Variants in CWF19L1 observed in about 807,000 individuals in gnomAD.
The protein encoded by CWF19L1 is CWF19-like protein 1.
CWF19L1 carries 60 observed loss-of-function variants against 69.7 expected under a neutral mutation model. The observed-to-expected ratio is 0.86, with a 90% CI of 0.70 to 1.07. The LOEUF (loss-of-function observed/expected upper bound fraction) is 1.07. Among genes scored for constraint, CWF19L1 ranks in the 50% least tolerant of loss-of-function variants. The pLI, the probability that CWF19L1 is intolerant of heterozygous loss-of-function variation, is 0.00. For synonymous variants in CWF19L1, 209 were observed against 222.2 expected (o/e 0.94, Z 0.53); for missense variants, 591 against 638.9 (o/e 0.92, Z 0.81).
chr10:100,252,147 G>A (rs1847057306), intron 6 of CWF19L1, among the ~76,000 whole-genome samples: 1 of 152,178 alleles, frequency 6.6e-6, no homozygotes, highest in African/African-American at 2.4e-5. Context: ...ATAATTCTGA[G>A]CTTTTACTTA....
At chr10:100,233,782 C>T (rs1261127071) in intron 13 of CWF19L1, among the ~76,000 whole-genome samples, 2 of 146,526 alleles carry the variant, frequency 1.4e-5, no homozygotes, top group African/African-American at 4.9e-5. Context: ...GAACACCCAC[C>T]ATACAGGGTT....
chr10:100,244,234 T>C (rs1408575965), intron 9 of CWF19L1, among the ~76,000 whole-genome samples: 3 of 152,242 alleles, frequency 2.0e-5, no homozygotes, highest in Admixed American at 2.0e-4. Context: ...ATCATTCTAT[T>C]ATTTTATGAA....
chr10:100,250,866 T>C (rs1400768947), intron 6 of CWF19L1, among the ~76,000 whole-genome samples: 1 of 151,480 alleles, frequency 6.6e-6, no homozygotes, highest in Non-Finnish European at 1.5e-5. Context: ...GAGAATCACT[T>C]GAGCCCACGA....
intron 10 of CWF19L1, among the ~76,000 whole-genome samples, chr10:100,239,678 T>TG (rs1189917503): frequency 2.6e-5 from 4 of 152,134 alleles, no homozygotes; most frequent in Non-Finnish European, 5.9e-5. Context: ...GCTCTTAGTG[T>TG]GGTGGGCTCA....
intron 1 of CWF19L1, chr10:100,267,364 C>T: frequency 2.1e-6 from 2 of 947,868 alleles, no homozygotes; most frequent in Non-Finnish European, 2.5e-6. Context: ...ACGAGCGTCG[C>T]CAAGAGAAAC....
At chr10:100,248,534 G>T in intron 7 of CWF19L1, 2 of 706,080 alleles carry the variant, frequency 2.8e-6, no homozygotes, top group East Asian at 2.5e-5. Context: ...TCAACATCAC[G>T]GTGCACATGG....
At position 100,260,218 on chromosome 10, in the gene CWF19L1, C is replaced by G. The variant is rs1228428555; in HGVS notation, c.289G>C (p.Gly97Arg). ...AAAAATACAACAAGTATCAGCTTAC[C>G]CAGATAAGTAATGTTTTCAGCTAAT... ...CELAENITYLGRKGIFTGSSG... is the reference protein window; with the variant it reads ...CELAENITYLRRKGIFTGSSG... Residue 97 changes from glycine to arginine, a missense_variant and splice_region_variant, in exon 4 of 14, where the codon GGT becomes CGT. Transcript: ENST00000354105. 1.9e-6 allele frequency: 3 copies of G among 1,579,912 alleles called. No homozygotes were observed. The highest frequency in any genetic ancestry group is 2.6e-6 in the Non-Finnish European group (3 of 1,155,690).
intron 6 of CWF19L1, among the ~76,000 whole-genome samples, chr10:100,251,835 A>G (rs1433616690): frequency 6.6e-6 from 1 of 152,054 alleles, no homozygotes; most frequent in African/African-American, 2.4e-5. Flanking sequence ...TATATGTTCT[A>G]TGAAAAACTG....
At chr10:100,250,525 AG>A (rs531336901) in intron 6 of CWF19L1, among the ~76,000 whole-genome samples, 193 bp from the exon 7 acceptor site, 174 of 152,328 alleles carry the variant, frequency 1.1e-3, no homozygotes, top group African/African-American at 4.0e-3. Context: ...AGGCTGTTTT[AG>A]GAAGAGATGA....
At position 100,236,761 on chromosome 10, in the gene CWF19L1, C is replaced by T. The variant is rs551895599; in HGVS notation, c.1374+89G>A. 778 of 1,480,908 alleles carry T rather than the reference C, an allele frequency of 5.3e-4. 2 individuals carry two copies. Among genetic ancestry groups the T allele is most frequent in the South Asian group, 1.6e-3 (121 of 74,704 alleles). 91.7% of individuals were successfully genotyped at this position (1,480,908 alleles called of 1,614,324 possible). A position where few individuals can be genotyped will look rare whatever the true frequency, so the allele number is the denominator to read the frequency against. On this transcript the variant is annotated intron_variant, in intron 12 of 13. Coordinates refer to ENST00000354105, the MANE Select transcript of CWF19L1 (RefSeq NM_018294.6). The stretch of plus-strand genomic sequence containing the variant: ...CTCCAACCTAGGCAACAGAGCAAGA[C>T]TCTGTCTCAAACAAACAAACAAACA...
At position 100,267,572 on chromosome 10, in the gene CWF19L1, G is replaced by A. The variant is rs779070513; in HGVS notation, c.22C>T (p.Leu8Phe). 3.1e-6 allele frequency: 5 copies of A among 1,614,208 alleles called. No individual in the cohort carries two copies. In the South Asian group the frequency reaches 4.4e-5, roughly 14 times the overall value. The change falls in exon 1 of 14, where the codon CTC (leucine) becomes TTC (phenylalanine). Residue 8 changes from leucine (L) to phenylalanine (F), a missense_variant and splice_region_variant. Coordinates refer to ENST00000354105, the MANE Select transcript of CWF19L1 (RefSeq NM_018294.6). MAQKPLRLLACGDVEGKF... is the reference protein window; with the variant it reads MAQKPLRFLACGDVEGKF... The stretch of plus-strand genomic sequence containing the variant: ...AGGCTTCCATTCACGGTCACTCACA[G>A]GCGCAGCGGTTTCTGTGCCATCTGT...
chr10:100,250,947 CAAAAAAAAAAAATTA>C (rs1404058246), intron 6 of CWF19L1, among the ~76,000 whole-genome samples: 9 of 112,584 alleles, frequency 8.0e-5, no homozygotes, highest in Non-Finnish European at 1.5e-4. Context: ...GATCTTGTCT[CAAAAAAAAAAAATTA>C]AAAAAAAAAA....
intron 4 of CWF19L1, 146 bp downstream of exon 4, chr10:100,260,072 G>A (rs1809764597): frequency 1.8e-6 from 1 of 567,886 alleles, no homozygotes; most frequent in African/African-American, 1.9e-5. Context: ...GGAGGCTGAG[G>A]CAGGAGAATC....
At position 100,253,454 on chromosome 10, in the gene CWF19L1, A is replaced by G. The variant is rs1047028417; in HGVS notation, c.590T>C (p.Leu197Ser). ...AAGCCTCTCATAATAGGTCTTTTCC[A>G]AAGCAGCAAAATGGTATCTTGGTTT... ...GLKPRYHFAA[L>S]EKTYYERLPY... is the part of the protein sequence containing the mutation. The change falls in exon 6 of 14, where the codon TTG (leucine) becomes TCG (serine). Residue 197 changes from leucine (L) to serine (S), a missense_variant. Leu to Ser is a moderately radical substitution (Grantham distance 145, BLOSUM62 -2). Around this residue, in one of 3 missense-constraint regions of CWF19L1, gnomAD observed 458 missense variants for 489.3 expected, o/e 0.94. Coordinates refer to ENST00000354105, the MANE Select transcript of CWF19L1 (RefSeq NM_018294.6). 5.0e-6 allele frequency: 8 copies of G among 1,613,632 alleles called. No homozygotes were observed. The highest frequency in any genetic ancestry group is 6.8e-6 in the Non-Finnish European group (8 of 1,179,504).
chr10:100,240,627 G>C (rs574778742), intron 10 of CWF19L1, among the ~76,000 whole-genome samples: 44 of 152,256 alleles, frequency 2.9e-4, no homozygotes, highest in African/African-American at 1.0e-3. Flanking sequence ...CTGGACAATA[G>C]AAAGATGAAT....
At chr10:100,267,147 CAAAAA>C (rs56827592) in intron 1 of CWF19L1, among the ~76,000 whole-genome samples, 5 of 30,774 alleles carry the variant, frequency 1.6e-4, no homozygotes, top group Admixed American at 1.6e-3. Flanking sequence ...CTCCTCCTCG[CAAAAA>C]AAAAAAAAAA....
intron 5 of CWF19L1, 85 bp from the exon 6 acceptor site, chr10:100,253,624 T>C: frequency 1.3e-6 from 1 of 798,588 alleles, no homozygotes; most frequent in Non-Finnish European, 2.2e-6. Flanking sequence ...GAAATGTCTT[T>C]GAAATTTATA....
intron 6 of CWF19L1, among the ~76,000 whole-genome samples, chr10:100,251,908 C>T (rs115173282): frequency 0.011 from 1,693 of 152,206 alleles, 41 homozygotes; most frequent in African/African-American, 0.038. Flanking sequence ...TCTGTTTTCG[C>T]AGTATATTTT....
At chr10:100,237,120 T>C (rs763589294) in intron 11 of CWF19L1, 151 bp from the exon 12 acceptor site, 27 of 950,020 alleles carry the variant, frequency 2.8e-5, no homozygotes, top group Non-Finnish European at 4.2e-5. Flanking sequence ...TGTGTCAGCC[T>C]GTCTGTAAGG....
Sources: gnomAD v4.1 joint callset for allele counts (sites outside exome capture counted in the v4.1 genomes callset) on GRCh38, gnomAD v4.1.1 for gene constraint, gnomAD v4.1.1 regional missense constraint, MANE v1.5 for transcripts, NCBI Gene and HGNC (gene_info 2026-07-23, HGNC 2026-07-21) for gene names.